Variants in POLR1D observed in about 807,000 individuals in gnomAD.
POLR1D encodes the protein DNA-directed RNA polymerases I and III subunit RPAC2.
Under a neutral mutation model 10.8 loss-of-function variants are expected in POLR1D, and 8 were observed. The ratio of observed to expected loss-of-function variants is 0.74; its 90% confidence interval spans 0.43 to 1.33. The LOEUF is 1.33. Ranked by LOEUF, POLR1D falls within the 40% of genes most tolerant of loss-of-function variation. The pLI, the probability that POLR1D is intolerant of heterozygous loss-of-function variation, is 0.01. For synonymous variants in POLR1D, 54 were observed against 57.2 expected, an observed-to-expected ratio of 0.94 and a Z score of 0.25; for missense variants, 152 against 161.7, an observed-to-expected ratio of 0.94 and a Z score of 0.32.
chr13:27,635,268 T>C (rs567179642), intron 1 of POLR1D, among the ~76,000 whole-genome samples: 22 of 152,320 alleles, frequency 1.4e-4, no homozygotes, highest in African/African-American at 4.8e-4. Context: ...TCTTTAAATA[T>C]GTTCATTTTA....
rs1956386630 is a variant in POLR1D, at chr13:27,663,629, C to T, written c.102-2057C>T. ...GCATTTGGTTTTAAAGATGATCTGA[C>T]ATTGAAAACAGCAAAATAGAGTGGA... On this transcript the variant is annotated intron_variant, in intron 2 of 2. Coordinates refer to the POLR1D transcript ENST00000399697. The surrounding 1 kb of genome is among the most constrained non-coding windows in gnomAD (Gnocchi z 4.1). 6.6e-6 allele frequency among the ~76,000 whole-genome samples: 1 copy of T among 152,186 alleles called. No individual in the cohort carries two copies. Among genetic ancestry groups the T allele is most frequent in the African/African-American group, 2.4e-5 (1 of 41,438 alleles).
chr13:27,655,015 G>C (rs1956296361), intron 2 of POLR1D, among the ~76,000 whole-genome samples: 1 of 152,164 alleles, frequency 6.6e-6, no homozygotes, highest in African/African-American at 2.4e-5. Context: ...GGTGAGAACT[G>C]CTGCTTTAGA....
chr13:27,636,553 G>A (rs771055475), intron 1 of POLR1D, among the ~76,000 whole-genome samples: 4 of 146,966 alleles, frequency 2.7e-5, no homozygotes, highest in Admixed American at 6.6e-5. Flanking sequence ...TGTATGTCCC[G>A]ATTTCTATCA....
At chr13:27,645,201 T>G (rs17085843) in intron 1 of POLR1D, among the ~76,000 whole-genome samples, 2,545 of 152,330 alleles carry the variant, frequency 0.017, 65 homozygotes, top group African/African-American at 0.058. Context: ...CTCTCCAGTA[T>G]CAGCCTATCC....
chr13:27,621,819 C>T, upstream of POLR1D: 1 of 664,132 alleles, frequency 1.5e-6, no homozygotes, highest in Middle Eastern at 2.6e-4. Flanking sequence ...TGCCCCGCCC[C>T]GCGGCTGGGC....
At chr13:27,647,814 A>G (rs1358773505) in intron 1 of POLR1D, among the ~76,000 whole-genome samples, 2 of 152,164 alleles carry the variant, frequency 1.3e-5, no homozygotes, top group Non-Finnish European at 2.9e-5. Context: ...ACTTATTTGA[A>G]TATTTTCATA....
At chr13:27,631,333 CAG>C (rs753703496) in intron 1 of POLR1D, among the ~76,000 whole-genome samples, 38 of 152,294 alleles carry the variant, frequency 2.5e-4, no homozygotes, top group Middle Eastern at 3.4e-3. Context: ...GCCAGGAAAA[CAG>C]AGTTAGAGAG....
At chr13:27,640,619 G>A (rs944310896) in intron 1 of POLR1D, among the ~76,000 whole-genome samples, 1 of 152,190 alleles carries the variant, frequency 6.6e-6, no homozygotes, top group African/African-American at 2.4e-5. Flanking sequence ...CCTGGAAACT[G>A]AGTAACATTT....
rs1296698983 is a variant in POLR1D at position 27,621,978 on chromosome 13, C to T, written c.-6C>T. Reference sequence around the variant, plus strand: ...ACCACCTGAGGATCCAGAAACCGCCCCAGCGATGGAAGAGGATCAGGAGCT... The same window carrying T: ...ACCACCTGAGGATCCAGAAACCGCCTCAGCGATGGAAGAGGATCAGGAGCT... On this transcript the variant is annotated 5_prime_UTR_variant, in exon 1 of 2. Transcript: ENST00000302979. The T allele has an allele frequency of 1.3e-6, 2 of 1,593,204 alleles. No homozygotes were observed. Among genetic ancestry groups the T allele is most frequent in the South Asian group, 2.3e-5 (2 of 87,658 alleles).
rs1363635546 is a variant in POLR1D, at chr13:27,623,029, A to C, written c.181A>C (p.Lys61Gln). 1 of 1,614,108 alleles carries C rather than the reference A, an allele frequency of 6.2e-7. No individual in the cohort carries two copies. The highest frequency in any genetic ancestry group is 1.1e-5 in the South Asian group (1 of 91,080). Residue 61 changes from lysine (K) to glutamine (Q), a missense_variant, in exon 2 of 2, where the codon AAG becomes CAG. By Grantham distance (53) the Lys-to-Gln change is moderately conservative. Transcript: ENST00000302979. ...AAATTCTCTACGTTACATGATCATG[A>C]AGAACCCGGAAGTGGAATTTTGTGG... is the stretch of plus-strand genomic sequence containing the variant. ...LGNSLRYMIMKNPEVEFCGYT... is the reference protein window; with the variant it reads ...LGNSLRYMIMQNPEVEFCGYT...
At chr13:27,621,352 C>CA (rs543438329), upstream of POLR1D, 1 of 152,454 alleles carries the variant, frequency 6.6e-6, no homozygotes, top group South Asian at 2.1e-4. Flanking sequence ...AATGCAACTG[C>CA]AAGCTCCCCG....
At chr13:27,662,822 G>A (rs1956377284) in intron 2 of POLR1D, among the ~76,000 whole-genome samples, 1 of 152,158 alleles carries the variant, frequency 6.6e-6, no homozygotes, top group Non-Finnish European at 1.5e-5. Flanking sequence ...ATTGTTCTGA[G>A]TACTTTACAT....
intron 1 of POLR1D, among the ~76,000 whole-genome samples, chr13:27,629,767 A>G (rs1956055032): frequency 6.6e-6 from 1 of 152,266 alleles, no homozygotes; most frequent in East Asian, 1.9e-4. Context: ...AAGCTTTAAG[A>G]TAAAGGTTAA....
intron 1 of POLR1D, among the ~76,000 whole-genome samples, chr13:27,637,813 T>C (rs80087612): frequency 1.7e-3 from 261 of 151,966 alleles, no homozygotes; most frequent in Non-Finnish European, 3.1e-3. Context: ...TTTTTTTTTT[T>C]AGAGATAGGG....
At chr13:27,650,060 T>C (rs1193305939) in intron 2 of POLR1D, 11 of 398,306 alleles carry the variant, frequency 2.8e-5, no homozygotes, top group Non-Finnish European at 4.9e-5. Context: ...AGGGACAAGA[T>C]ACAAACTAAA....
At chr13:27,648,580 A>G in intron 2 of POLR1D, 2 of 648,644 alleles carry the variant, frequency 3.1e-6, no homozygotes, top group Non-Finnish European at 5.6e-6. Flanking sequence ...TCTCAGAGAC[A>G]AGTGTAGAGT....
At chr13:27,632,671 A>AT (rs1424497390) in intron 1 of POLR1D, among the ~76,000 whole-genome samples, 1 of 108,126 alleles carries the variant, frequency 9.2e-6, no homozygotes, top group African/African-American at 2.9e-5. Context: ...CCTACCTTGT[A>AT]TTTTTTCTAT....
At chr13:27,631,283 T>C (rs933385697) in intron 1 of POLR1D, among the ~76,000 whole-genome samples, 5 of 152,216 alleles carry the variant, frequency 3.3e-5, no homozygotes, top group African/African-American at 9.6e-5. Context: ...CTCACTCATA[T>C]GGGGCTGCTA....
At chr13:27,622,202 A>T in intron 1 of POLR1D, 193 bp downstream of exon 1, 2 of 621,476 alleles carry the variant, frequency 3.2e-6, no homozygotes, top group Non-Finnish European at 5.7e-6. Context: ...TCAAGGAGGG[A>T]AGACAAGTTG....
Sources: allele counts gnomAD v4.1 joint callset (sites outside exome capture counted in the v4.1 genomes callset), GRCh38; gene constraint gnomAD v4.1.1; non-coding constraint Gnocchi (gnomAD v3.1); transcripts MANE v1.5; gene names NCBI Gene and HGNC (gene_info 2026-07-23, HGNC 2026-07-21).